DCAF1: variants seen among roughly 807,000 people sequenced by gnomAD.
The protein encoded by DCAF1 is DDB1- and CUL4-associated factor 1.
In DCAF1, 15 loss-of-function variants were observed where a neutral mutation model predicts 128.0. That is an observed-to-expected ratio of 0.12 (90% CI 0.08 to 0.18). The LOEUF (loss-of-function observed/expected upper bound fraction) is 0.18. Ranked by LOEUF, DCAF1 falls within the 10% of genes least tolerant of loss-of-function variation. The probability of loss-of-function intolerance (pLI) is 1.00; values close to 1 mark genes in which losing one functional copy is unlikely to be tolerated. For missense variants in DCAF1, 988 were observed against 1,649.5 expected (o/e 0.60, Z 6.95); for synonymous variants, 610 against 603.0 (o/e 1.01, Z -0.17).
At chr3:51,407,208 TC>T (rs1436644402) in intron 23 of DCAF1, among the ~76,000 whole-genome samples, 1 of 150,982 alleles carries the variant, frequency 6.6e-6, no homozygotes, top group African/African-American at 2.4e-5. Flanking sequence ...TCAAATCTGA[TC>T]CTGACCTTTA....
chr3:51,457,788 C>CA (rs1703084946), intron 6 of DCAF1, among the ~76,000 whole-genome samples: 1 of 152,090 alleles, frequency 6.6e-6, no homozygotes, highest in Non-Finnish European at 1.5e-5. Flanking sequence ...AATTTTCAAC[C>CA]CAGAATCTCA....
chr3:51,495,148 C>A (rs782194769), intron 2 of DCAF1, among the ~76,000 whole-genome samples: 4 of 148,002 alleles, frequency 2.7e-5, no homozygotes, highest in African/African-American at 1.0e-4. Flanking sequence ...CATGATGAAA[C>A]CCTGTCTCTA....
chr3:51,412,873 A>C, intron 22 of DCAF1, 120 bp downstream of exon 22: 1 of 1,434,150 alleles, frequency 7.0e-7, no homozygotes, highest in South Asian at 1.4e-5. Context: ...GTTATCAATA[A>C]TCTACCTTCA....
At chr3:51,459,627 T>C (rs1255433137) in intron 6 of DCAF1, among the ~76,000 whole-genome samples, 1 of 152,070 alleles carries the variant, frequency 6.6e-6, no homozygotes, top group Non-Finnish European at 1.5e-5. Context: ...TAGACCAATA[T>C]CCTTGATGAA....
chr3:51,426,707 T>C (rs1699938819), intron 13 of DCAF1, among the ~76,000 whole-genome samples: 1 of 152,206 alleles, frequency 6.6e-6, no homozygotes, highest in Non-Finnish European at 1.5e-5. Context: ...ACAAACTTAC[T>C]ATATTCCCCT....
At chr3:51,465,074 C>T (rs1371743463) in intron 5 of DCAF1, among the ~76,000 whole-genome samples, 1 of 152,106 alleles carries the variant, frequency 6.6e-6, no homozygotes, top group Non-Finnish European at 1.5e-5. Flanking sequence ...CAAGAAGAAA[C>T]CAGTGAAGAT....
intron 3 of DCAF1, among the ~76,000 whole-genome samples, chr3:51,479,418 A>T (rs1473923000): frequency 1.3e-5 from 2 of 151,998 alleles, no homozygotes; most frequent in Admixed American, 1.3e-4. Context: ...TGGGAGAATC[A>T]ACTAAGCCCA....
chr3:51,470,987 T>C lies in DCAF1; in HGVS notation c.129A>G (p.Glu43=). The C allele has an allele frequency of 6.2e-7, 1 of 1,607,398 alleles. No homozygotes were observed. ...CTTTACGATACTCTTCAGTTTCTTTTTCAATCAATTGAGACATCCTAGCAC... is the reference window on the plus strand; with the variant it reads ...CTTTACGATACTCTTCAGTTTCTTTCTCAATCAATTGAGACATCCTAGCAC... ...PILTRMSQLI[E]KETEEYRKGD... is the part of the protein sequence containing the mutation. Residue 43 remains glutamate (E), a synonymous_variant, in exon 4 of 25, where the codon GAA becomes GAG. Transcript: ENST00000684031.
intron 12 of DCAF1, among the ~76,000 whole-genome samples, chr3:51,428,331 C>CTTTTTTTTTTTT (rs35486639): frequency 9.0e-6 from 1 of 110,512 alleles, no homozygotes; most frequent in Non-Finnish European, 1.7e-5. Context: ...CCACCATGCC[C>CTTTTTTTTTTTT]TTTTTTTTTT....
At chr3:51,434,816 TCTC>T (rs1490751156) in intron 9 of DCAF1, among the ~76,000 whole-genome samples, 1 of 152,176 alleles carries the variant, frequency 6.6e-6, no homozygotes, top group Non-Finnish European at 1.5e-5. Flanking sequence ...TGGGTGGAGA[TCTC>T]CTGCACAATG....
At chr3:51,441,310 A>G in intron 8 of DCAF1, 75 bp downstream of exon 8, 4 of 1,480,244 alleles carry the variant, frequency 2.7e-6, no homozygotes, top group East Asian at 4.7e-5. Context: ...TTTGTATAAA[A>G]TACTACCATA....
chr3:51,505,525 C>G, the DCAF1 span, among the ~76,000 whole-genome samples: 1 of 152,110 alleles, frequency 6.6e-6, no homozygotes, highest in African/African-American at 2.4e-5. Flanking sequence ...GGGCTCTTAC[C>G]GTGGGGAAGT....
At chr3:51,486,193 CTTTT>C (rs35273248) in intron 2 of DCAF1, among the ~76,000 whole-genome samples, 39 of 113,326 alleles carry the variant, frequency 3.4e-4, no homozygotes, top group African/African-American at 1.2e-3. Context: ...CCGGCAGATT[CTTTT>C]TTTTTTTTTT....
chr3:51,460,552 A>T (rs1703433608), intron 6 of DCAF1, among the ~76,000 whole-genome samples: 1 of 152,074 alleles, frequency 6.6e-6, no homozygotes, highest in Admixed American at 6.6e-5. Context: ...CAGAATTGGA[A>T]AAAACTACTT....
At chr3:51,409,460 G>A (rs782090693) in intron 23 of DCAF1, among the ~76,000 whole-genome samples, 4 of 152,168 alleles carry the variant, frequency 2.6e-5, no homozygotes, top group Non-Finnish European at 5.9e-5. Flanking sequence ...GGTTCCCAGA[G>A]AAGACTGCCG....
At chr3:51,459,049 A>C (rs1703246012) in intron 6 of DCAF1, among the ~76,000 whole-genome samples, 1 of 152,204 alleles carries the variant, frequency 6.6e-6, no homozygotes, top group Admixed American at 6.6e-5. Flanking sequence ...GCAGAAGGCA[A>C]GAAATAAGAT....
rs782255630 is a variant in DCAF1 at position 51,418,672 on chromosome 3, C to G, written c.3435+6G>C. ...GACTGAGAGCATCCTAGGAAGGAACCCTTACCCTGGAAGGTTCAAGATGTG... is the reference window on the plus strand; with the variant it reads ...GACTGAGAGCATCCTAGGAAGGAACGCTTACCCTGGAAGGTTCAAGATGTG... On this transcript the variant is annotated splice_donor_region_variant and intron_variant, in intron 16 of 24. Transcript: ENST00000684031. 2 of 1,607,490 alleles carry G rather than the reference C, an allele frequency of 1.2e-6. No homozygotes were observed. The highest frequency in any genetic ancestry group is 1.7e-6 in the Non-Finnish European group (2 of 1,176,726).
At chr3:51,451,069 CTTTTTT>C (rs1167474829) in intron 6 of DCAF1, among the ~76,000 whole-genome samples, 141 of 27,072 alleles carry the variant, frequency 5.2e-3, no homozygotes, top group African/African-American at 8.4e-3. Context: ...AAAGGAAATT[CTTTTTT>C]TTTTTTTTTT....
chr3:51,416,151 G>A (rs576577489), intron 18 of DCAF1, among the ~76,000 whole-genome samples: 2 of 151,916 alleles, frequency 1.3e-5, no homozygotes, highest in East Asian at 1.9e-4. Flanking sequence ...TCACCCACCA[G>A]TGTCTTCATC....
Sources: allele counts gnomAD v4.1 joint callset (sites outside exome capture counted in the v4.1 genomes callset), GRCh38; gene constraint gnomAD v4.1.1; transcripts MANE v1.5; gene names NCBI Gene and HGNC (gene_info 2026-07-23, HGNC 2026-07-21).